The following SEC61A2 variants were observed in gnomAD, a reference collection of about 807,000 sequenced individuals.
The protein encoded by SEC61A2 is protein transport protein Sec61 subunit alpha isoform 2.
A neutral mutation model predicts 59.9 loss-of-function variants in SEC61A2; 28 were observed. The observed-to-expected ratio is 0.47, with a 90% CI of 0.35 to 0.64. The LOEUF is 0.64. Among genes scored for constraint, SEC61A2 ranks in the 30% least tolerant of loss-of-function variants. The probability of loss-of-function intolerance (pLI) is 0.01; values close to 1 mark genes in which losing one functional copy is unlikely to be tolerated. For synonymous variants in SEC61A2, 202 were observed against 214.4 expected (o/e 0.94, Z 0.50); for missense variants, 340 against 585.9 (o/e 0.58, Z 4.33).
chr10:12,162,760 C>A lies in SEC61A2; in HGVS notation c.1244+471C>A, dbSNP rs1398230660. On this transcript the variant is annotated intron_variant, in intron 11 of 11. Coordinates refer to ENST00000298428, the MANE Select transcript of SEC61A2 (RefSeq NM_018144.4). The surrounding 1 kb of genome is among the most constrained non-coding windows in gnomAD (Gnocchi z 6.1). ...AGTCATAAGTTTAAACACATTTTCA[C>A]CACCCAGAAAGAAACCCTGTACCTA... Among the ~76,000 whole-genome samples the A allele has an allele frequency of 3.9e-5, 6 of 152,132 alleles. No individual in the cohort carries two copies. Among genetic ancestry groups the A allele is most frequent in the East Asian group, 1.9e-4 (1 of 5,206 alleles).
chr10:12,161,026 C>G lies in SEC61A2; in HGVS notation c.1072C>G (p.Pro358Ala). The G allele has an allele frequency of 6.2e-7, 1 of 1,614,016 alleles. No individual in the cohort carries two copies. Among genetic ancestry groups the G allele is most frequent in the South Asian group, 1.1e-5 (1 of 91,076 alleles). ...GTCCATGGGCGCCATCTTTGAGGATCCTGTCCATGTCGTTGTTTATATCAT... is the reference window on the plus strand; with the variant it reads ...GTCCATGGGCGCCATCTTTGAGGATGCTGTCCATGTCGTTGTTTATATCAT... ...PESMGAIFED[P>A]VHVVVYIIFM... The change falls in exon 10 of 12, where the codon CCT becomes GCT. Residue 358 changes from proline (P) to alanine (A), a missense_variant. This residue lies in a region of SEC61A2 where 283 missense variants were observed against 483.2 expected (regional missense o/e 0.59). Coordinates refer to ENST00000298428, the MANE Select transcript of SEC61A2 (RefSeq NM_018144.4). This position sits in a 1 kb window ranked among gnomAD's most constrained non-coding sequence, Gnocchi z 5.4.
downstream of SEC61A2, chr10:12,167,177 G>A (rs926011031): frequency 1.6e-4 from 26 of 158,686 alleles, no homozygotes; most frequent in South Asian, 1.8e-4. Context: ...GGATTCTATC[G>A]AACCCTACCC....
At chr10:12,169,382 A>C, downstream of SEC61A2, 1 of 1,209,056 alleles carries the variant, frequency 8.3e-7, no homozygotes, top group Non-Finnish European at 1.2e-6. The surrounding 1 kb of genome is among the most constrained non-coding windows in gnomAD (Gnocchi z 4.8). Context: ...CTTTCCACGC[A>C]CCTCCTCAGA....
At position 12,143,001 on chromosome 10, in the gene SEC61A2, G is replaced by T; in HGVS notation, c.142-116G>T. 1.4e-6 allele frequency: 1 copy of T among 699,722 alleles called. No homozygotes were observed. Among genetic ancestry groups the T allele is most frequent in the Non-Finnish European group, 2.5e-6 (1 of 394,576 alleles). 43.3% of individuals were successfully genotyped at this position (699,722 alleles called of 1,614,324 possible). A position where few individuals can be genotyped will look rare whatever the true frequency, so the allele number is the denominator to read the frequency against. On this transcript the variant is annotated intron_variant, in intron 3 of 11. Coordinates refer to ENST00000298428, the MANE Select transcript of SEC61A2 (RefSeq NM_018144.4). The surrounding 1 kb of genome is among the most constrained non-coding windows in gnomAD (Gnocchi z 4.8). ...GACAGAGTCTCCTGTCACCCAGGCT[G>T]GAGTGCAGTGGCGTGATCTCAGCTC...
intron 3 of SEC61A2, among the ~76,000 whole-genome samples, chr10:12,139,174 C>T (rs1480059682): frequency 6.6e-6 from 1 of 151,682 alleles, no homozygotes; most frequent in Non-Finnish European, 1.5e-5. Context: ...GTTGGACAGG[C>T]TGTTCTTGAA....
intron 3 of SEC61A2, among the ~76,000 whole-genome samples, chr10:12,136,704 A>G (rs1833896532): frequency 6.6e-6 from 1 of 151,996 alleles, no homozygotes; most frequent in Admixed American, 6.5e-5. Context: ...ATCTCGACTC[A>G]CTGCAACCTC....
At position 12,155,722 on chromosome 10, in the gene SEC61A2, TC is replaced by T. The variant is rs1834382363; in HGVS notation, c.463-51del. The T allele has an allele frequency of 1.2e-6, 2 of 1,600,932 alleles. No individual in the cohort carries two copies. Among genetic ancestry groups the T allele is most frequent in the East Asian group, 4.5e-5 (2 of 44,812 alleles). ...TTGGAAATAGCCAATGGTGTTCCTC[TC>T]CCCCTTTCTTGAGTTTGTTCTTGCT... On this transcript the variant is annotated intron_variant, in intron 6 of 11. Coordinates refer to ENST00000298428, the MANE Select transcript of SEC61A2 (RefSeq NM_018144.4). The surrounding 1 kb of genome is among the most constrained non-coding windows in gnomAD (Gnocchi z 4.3).
chr10:12,133,767 G>A (rs1350413138), intron 2 of SEC61A2, among the ~76,000 whole-genome samples: 1 of 152,152 alleles, frequency 6.6e-6, no homozygotes, highest in East Asian at 1.9e-4. Flanking sequence ...TGATTCATTC[G>A]TTGGAAAGAA....
rs1588647407 is a variant in SEC61A2 at position 12,162,889 on chromosome 10, A to G, written c.1244+600A>G. On this transcript the variant is annotated intron_variant, in intron 11 of 11. Transcript: ENST00000298428. This position sits in a 1 kb window ranked among gnomAD's most constrained non-coding sequence, Gnocchi z 6.1. ...TCATATAAATGGAATCATATAATGT[A>G]TGTTATTTTGTAAGTGGCTTCTTTC... Among the ~76,000 whole-genome samples the G allele has an allele frequency of 6.6e-6, 1 of 152,292 alleles. No homozygotes were observed. The highest frequency in any genetic ancestry group is 2.4e-5 in the African/African-American group (1 of 41,560).
At chr10:12,133,047 C>T (rs1833798555) in intron 1 of SEC61A2, among the ~76,000 whole-genome samples, 194 bp from the exon 2 acceptor site, 1 of 152,206 alleles carries the variant, frequency 6.6e-6, no homozygotes, top group Non-Finnish European at 1.5e-5. Context: ...ACCATTTGGA[C>T]TTCTTTGTCC....
At position 12,160,793 on chromosome 10, in the gene SEC61A2, C is replaced by A. The variant is rs1834508514; in HGVS notation, c.976-137C>A. 1.5e-6 allele frequency: 1 copy of A among 651,780 alleles called. No homozygotes were observed. Among genetic ancestry groups the A allele is most frequent in the African/African-American group, 1.8e-5 (1 of 54,620 alleles). 40.4% of individuals were successfully genotyped at this position (651,780 alleles called of 1,614,324 possible). On this transcript the variant is annotated intron_variant, in intron 9 of 11. Transcript: ENST00000298428. The surrounding 1 kb of genome is among the most constrained non-coding windows in gnomAD (Gnocchi z 4.1). ...AAGGTAGTAGACACAAAAGTACATT[C>A]TGAAACTACATAGAATGACTAGCTG...
chr10:12,155,953 A>G lies in SEC61A2; in HGVS notation c.616+22A>G, dbSNP rs574686764. 4.3e-6 allele frequency: 7 copies of G among 1,613,786 alleles called. No individual in the cohort carries two copies. The highest frequency in any genetic ancestry group is 1.1e-5 in the South Asian group (1 of 91,086). On this transcript the variant is annotated intron_variant, in intron 7 of 11. Coordinates refer to ENST00000298428, the MANE Select transcript of SEC61A2 (RefSeq NM_018144.4). This position sits in a 1 kb window ranked among gnomAD's most constrained non-coding sequence, Gnocchi z 4.3. ...AGAGGTACATCGCACAGCGACTGCA[A>G]CTGCACGCGTTTTGCTGGATGTGTG...
At chr10:12,166,865 T>G (rs1291301123), downstream of SEC61A2, 2 of 414,614 alleles carry the variant, frequency 4.8e-6, no homozygotes, top group Non-Finnish European at 9.9e-6. Flanking sequence ...TCTGTACTTC[T>G]TGCTGTGAAC....
At chr10:12,136,910 G>A (rs367597183) in intron 3 of SEC61A2, among the ~76,000 whole-genome samples, 66 of 152,182 alleles carry the variant, frequency 4.3e-4, no homozygotes, top group African/African-American at 1.5e-3. Context: ...TATTATAGGC[G>A]TGAGCCACCA....
chr10:12,147,534 A>G (rs909918635), intron 4 of SEC61A2, among the ~76,000 whole-genome samples: 2 of 152,100 alleles, frequency 1.3e-5, no homozygotes, highest in African/African-American at 4.8e-5. Context: ...AAAATACAGA[A>G]ATTAGCTGGG....
At chr10:12,134,870 G>A (rs571713248) in intron 2 of SEC61A2, among the ~76,000 whole-genome samples, 6 of 151,352 alleles carry the variant, frequency 4.0e-5, no homozygotes, top group African/African-American at 1.5e-4. Context: ...AGTGAGCCGA[G>A]ACTGCGCCAC....
Position 12,165,049 on chromosome 10 carries a change from C to T in SEC61A2, c.*595C>T. 1.0e-6 allele frequency: 1 copy of T among 986,332 alleles called. No individual in the cohort carries two copies. The highest frequency in any genetic ancestry group is 1.2e-6 in the Non-Finnish European group (1 of 830,524). 61.1% of individuals were successfully genotyped at this position (986,332 alleles called of 1,614,324 possible). ...CAACTGCTTCTAAGGCCTCCTCCTT[C>T]TCCTCCTCCTCTTCCTCTTCCTCCT... On this transcript the variant is annotated 3_prime_UTR_variant, in exon 12 of 12. Coordinates refer to ENST00000298428, the MANE Select transcript of SEC61A2 (RefSeq NM_018144.4).
rs1236001500 is a variant in SEC61A2, at chr10:12,165,175, T to C, written c.*721T>C. The stretch of plus-strand genomic sequence containing the variant: ...TCCAACCAGTCACTTGAGAATATTC[T>C]TTCAAGATTCTGGGCCCCGATTCTT... On this transcript the variant is annotated 3_prime_UTR_variant, in exon 12 of 12. Coordinates refer to ENST00000298428, the MANE Select transcript of SEC61A2 (RefSeq NM_018144.4). 1 of 985,356 alleles carries C rather than the reference T, an allele frequency of 1.0e-6. No homozygotes were observed. Among genetic ancestry groups the C allele is most frequent in the Non-Finnish European group, 1.2e-6 (1 of 829,940 alleles). The allele number at this position is 985,356 out of a possible 1,614,324, so 61.0% of individuals were successfully genotyped here.
chr10:12,138,022 T>C (rs1833927361), intron 3 of SEC61A2, among the ~76,000 whole-genome samples: 1 of 151,926 alleles, frequency 6.6e-6, no homozygotes, highest in Admixed American at 6.6e-5. Context: ...AATAAATACA[T>C]AGATACATAC....
Sources: gnomAD v4.1 joint callset for allele counts (sites outside exome capture counted in the v4.1 genomes callset) on GRCh38, gnomAD v4.1.1 for gene constraint, gnomAD v4.1.1 regional missense constraint, Gnocchi (gnomAD v3.1) non-coding constraint, MANE v1.5 for transcripts, NCBI Gene and HGNC (gene_info 2026-07-23, HGNC 2026-07-21) for gene names.